Variants in HSPA12A observed in about 807,000 individuals in gnomAD.
The protein encoded by HSPA12A is heat shock 70 kDa protein 12A.
In HSPA12A, 28 loss-of-function variants were observed where a neutral mutation model predicts 69.2. The ratio of observed to expected loss-of-function variants is 0.40; its 90% confidence interval spans 0.30 to 0.55. The LOEUF is 0.55. Among genes scored for constraint, HSPA12A ranks in the 20% least tolerant of loss-of-function variants. The pLI is 0.38. For missense variants in HSPA12A, 686 were observed against 900.7 expected (o/e 0.76, Z 3.05); for synonymous variants, 345 against 370.5 (o/e 0.93, Z 0.79).
At chr10:116,818,690 G>A (rs537363181) in intron 2 of HSPA12A, among the ~76,000 whole-genome samples, 1 of 152,306 alleles carries the variant, frequency 6.6e-6, no homozygotes, top group South Asian at 2.1e-4. Context: ...CACTGACACA[G>A]TGGTCTGATG....
At position 116,735,843 on chromosome 10, in the gene HSPA12A, A is replaced by C. The variant is rs540946958; in HGVS notation, c.40+6587T>G. ...GAGACCTTGTCCCTATTTAAAAAAA[A>C]AAAAAAAGCCAGGCATGGAGATGTG... On this transcript the variant is annotated intron_variant, in intron 1 of 11. Coordinates refer to ENST00000369209, the MANE Select transcript of HSPA12A (RefSeq NM_025015.3). Among the ~76,000 whole-genome samples, 395 of 152,004 alleles carry C rather than the reference A, an allele frequency of 2.6e-3. 3 individuals are homozygous for C. The highest frequency in any genetic ancestry group is 8.8e-3 in the African/African-American group (363 of 41,444).
At chr10:116,734,648 AGCTTTTTTTTTTTTTTT>A (rs1338979227) in intron 1 of HSPA12A, among the ~76,000 whole-genome samples, 1 of 87,838 alleles carries the variant, frequency 1.1e-5, no homozygotes, top group Non-Finnish European at 2.5e-5. Context: ...ACAGATTTTC[AGCTTTTTTTTTTTTTTT>A]GCTTTTTTCA....
Position 116,755,283 on chromosome 10 carries a change from C to T in HSPA12A, c.92-47998G>A, listed in dbSNP as rs1456929347. Among the ~76,000 whole-genome samples the T allele has an allele frequency of 5.3e-5, 8 of 151,916 alleles. No homozygotes were observed. The East Asian group carries it at 9.7e-4, about 18-fold the overall frequency. On this transcript the variant is annotated intron_variant, in intron 2 of 12. Coordinates refer to the HSPA12A transcript ENST00000635765. ...ATGTATTTTTAAATGTTAATTGATGCGAGGAGTACAACTGAATAAAATTAC... is the reference window on the plus strand; with the variant it reads ...ATGTATTTTTAAATGTTAATTGATGTGAGGAGTACAACTGAATAAAATTAC...
At chr10:116,770,127 G>C (rs958205771) in intron 2 of HSPA12A, among the ~76,000 whole-genome samples, 2 of 152,226 alleles carry the variant, frequency 1.3e-5, no homozygotes, top group Non-Finnish European at 2.9e-5. Context: ...GCCTGATGGA[G>C]GAGGTCTTAT....
chr10:116,849,742 G>A, upstream of HSPA12A: 2 of 1,503,344 alleles, frequency 1.3e-6, no homozygotes, highest in Non-Finnish European at 1.8e-6. Context: ...GTAGGGACCT[G>A]GGACAAGCGC....
At chr10:116,714,675 T>C (rs1628985) in intron 1 of HSPA12A, among the ~76,000 whole-genome samples, 138,347 of 152,214 alleles carry the variant, frequency 0.91, 63,596 homozygotes, top group South Asian at 0.98. Context: ...TGATGCCCAT[T>C]TCCCATGCAA....
intron 2 of HSPA12A, among the ~76,000 whole-genome samples, chr10:116,784,002 C>A (rs1844520621): frequency 6.6e-6 from 1 of 152,222 alleles, no homozygotes; most frequent in South Asian, 2.1e-4. Flanking sequence ...CCATGCCCAG[C>A]CCATTTATGG....
intron 2 of HSPA12A, among the ~76,000 whole-genome samples, chr10:116,775,445 T>C (rs1554890987): frequency 1.3e-5 from 2 of 152,146 alleles, no homozygotes; most frequent in Admixed American, 1.3e-4. Flanking sequence ...GAAGGGAGTC[T>C]CTGTAGCTGG....
chr10:116,699,701 T>C (rs1850024287), intron 4 of HSPA12A, among the ~76,000 whole-genome samples: 1 of 152,160 alleles, frequency 6.6e-6, no homozygotes, highest in African/African-American at 2.4e-5. Context: ...GGGCAGCAGC[T>C]CCCAGGCTCA....
intron 1 of HSPA12A, among the ~76,000 whole-genome samples, chr10:116,728,355 G>A (rs1400011931): frequency 6.6e-6 from 1 of 152,180 alleles, no homozygotes. Flanking sequence ...GTTTATCAGG[G>A]TGTAACTCCA....
At chr10:116,695,407 GGTGTGGTGGCTCACA>G (rs1554880689) in intron 5 of HSPA12A, among the ~76,000 whole-genome samples, 49 of 152,316 alleles carry the variant, frequency 3.2e-4, no homozygotes, top group Non-Finnish European at 5.6e-4. Context: ...CTTGCGGCCA[GGTGTGGTGGCTCACA>G]CCTGTAATCC....
chr10:116,752,503 A>G (rs1484590664), intron 2 of HSPA12A, among the ~76,000 whole-genome samples: 3 of 152,210 alleles, frequency 2.0e-5, no homozygotes, highest in Non-Finnish European at 2.9e-5. Flanking sequence ...AACCAGACAC[A>G]GGCCCAGCCC....
chr10:116,706,547 C>T (rs118176460), intron 2 of HSPA12A, among the ~76,000 whole-genome samples: 439 of 152,282 alleles, frequency 2.9e-3, no homozygotes, highest in Admixed American at 5.0e-3. Flanking sequence ...CTTCTTTGTG[C>T]GTCTGCACAG....
chr10:116,750,976 AAGGAAGAAGGACGAGG>A (rs781483075), intron 2 of HSPA12A, among the ~76,000 whole-genome samples: 1 of 151,780 alleles, frequency 6.6e-6, no homozygotes, highest in Non-Finnish European at 1.5e-5. Context: ...AAGAAAGAGG[AAGGAAGAAGGACGAGG>A]AGGAAGAGGA....
At chr10:116,828,139 G>A (rs17095302) in intron 2 of HSPA12A, among the ~76,000 whole-genome samples, 17,439 of 152,170 alleles carry the variant, frequency 0.11, 1,977 homozygotes, top group African/African-American at 0.3. Flanking sequence ...GGCATTTATA[G>A]AATAAAAGGA....
chr10:116,679,588 G>T lies in HSPA12A; in HGVS notation c.1201C>A (p.Leu401Met). The change falls in exon 10 of 12, where the codon CTG becomes ATG. Residue 401 changes from leucine (L) to methionine (M), a missense_variant. By Grantham distance (15) the Leu-to-Met change is conservative. Coordinates refer to ENST00000369209, the MANE Select transcript of HSPA12A (RefSeq NM_025015.3). ...AAGGAGAAGGGCAGGGTGATGTTCA[G>T]CGGGTTAGTTCTGTCTGGGGCAGCC... Reference protein sequence around the residue: ...RAAAPDRTNPLNITLPFSFID... With the variant: ...RAAAPDRTNPMNITLPFSFID... 1 of 1,614,280 alleles carries T rather than the reference G, an allele frequency of 6.2e-7. No individual in the cohort carries two copies. Among genetic ancestry groups the T allele is most frequent in the Non-Finnish European group, 8.5e-7 (1 of 1,180,052 alleles).
chr10:116,698,564 C>A, intron 5 of HSPA12A, 71 bp downstream of exon 5: 1 of 1,230,780 alleles, frequency 8.1e-7, no homozygotes, highest in South Asian at 1.3e-5. Flanking sequence ...GGTGCAGCAG[C>A]CCGAGACACG....
At chr10:116,792,489 T>TA (rs1283053995) in intron 2 of HSPA12A, among the ~76,000 whole-genome samples, 1 of 150,848 alleles carries the variant, frequency 6.6e-6, no homozygotes, top group Non-Finnish European at 1.5e-5. Context: ...AAAATAAAAA[T>TA]AAATCAGCTG....
rs1325120575 is a variant in HSPA12A at position 116,710,519 on chromosome 10, G to C, written c.41-3234C>G. 7.2e-5 allele frequency among the ~76,000 whole-genome samples: 11 copies of C among 152,134 alleles called. No individual in the cohort carries two copies. Among genetic ancestry groups the C allele is most frequent in the African/African-American group, 2.7e-4 (11 of 41,424 alleles). ...GGATACTTTGAGGGCAAGAAGCAAG[G>C]ATTTTTTGGTTCTGCTGTACCTCCC... On this transcript the variant is annotated intron_variant, in intron 1 of 11. Transcript: ENST00000369209. The surrounding 1 kb of genome is among the most constrained non-coding windows in gnomAD (Gnocchi z 4.1).
Sources: allele counts gnomAD v4.1 joint callset (sites outside exome capture counted in the v4.1 genomes callset), GRCh38; gene constraint gnomAD v4.1.1; non-coding constraint Gnocchi (gnomAD v3.1); transcripts MANE v1.5; gene names NCBI Gene and HGNC (gene_info 2026-07-23, HGNC 2026-07-21).